Variants in CRYBG1 observed in about 807,000 individuals in gnomAD.
CRYBG1 encodes crystallin beta-gamma domain containing 1, also known as beta/gamma crystallin domain-containing protein 1.
In CRYBG1, 139 loss-of-function variants were observed where a neutral mutation model predicts 189.2. That is an observed-to-expected ratio of 0.73 (90% confidence interval 0.64 to 0.85). CRYBG1 has a LOEUF of 0.85. Among genes scored for constraint, CRYBG1 ranks in the 40% least tolerant of loss-of-function variants. CRYBG1 has a pLI of 0.00. For synonymous variants in CRYBG1, 1,023 were observed against 1,017.1 expected, an observed-to-expected ratio of 1.01 and a Z score of -0.11; for missense variants, 2,611 against 2,675.8, an observed-to-expected ratio of 0.98 and a Z score of 0.53.
At chr6:106,371,360 A>G (rs1770027550) in intron 1 of CRYBG1, among the ~76,000 whole-genome samples, 1 of 152,202 alleles carries the variant, frequency 6.6e-6, no homozygotes, top group Non-Finnish European at 1.5e-5. Flanking sequence ...ATGTCATTAC[A>G]AACCTAAGAA....
chr6:106,404,082 G>T (rs1770772632), intron 1 of CRYBG1, among the ~76,000 whole-genome samples: 1 of 152,210 alleles, frequency 6.6e-6, no homozygotes, highest in Non-Finnish European at 1.5e-5. Flanking sequence ...ATCTTTCCTA[G>T]GTTCCTTTCA....
chr6:106,511,025 A>C (rs1387284861), intron 2 of CRYBG1, among the ~76,000 whole-genome samples: 2 of 152,150 alleles, frequency 1.3e-5, no homozygotes, highest in African/African-American at 4.8e-5. Context: ...AGTCCGCCTT[A>C]GGATACTTTA....
chr6:106,429,835 G>C (rs1771293392), intron 1 of CRYBG1, among the ~76,000 whole-genome samples: 1 of 152,158 alleles, frequency 6.6e-6, no homozygotes, highest in Non-Finnish European at 1.5e-5. Context: ...TTAGCACAGT[G>C]CTGGGGCTGT....
chr6:106,409,373 G>A (rs1223558371), intron 1 of CRYBG1, among the ~76,000 whole-genome samples: 1 of 152,050 alleles, frequency 6.6e-6, no homozygotes, highest in Non-Finnish European at 1.5e-5. Flanking sequence ...AAATAAGAGA[G>A]GGCACAAACA....
At chr6:106,379,713 C>A (rs9399988) in intron 1 of CRYBG1, among the ~76,000 whole-genome samples, 10,470 of 152,178 alleles carry the variant, frequency 0.069, 536 homozygotes, top group East Asian at 0.15. Context: ...TGTGCACCAC[C>A]ATGCCTGGCT....
Position 106,519,556 on chromosome 6 carries a change from AAGATGATAAAGC to A in CRYBG1, c.2354_2365del (p.Asp785_Asp788del), listed in dbSNP as rs1323422096. 1 of 1,614,104 alleles carries A rather than the reference AAGATGATAAAGC, an allele frequency of 6.2e-7. No individual in the cohort carries two copies. The highest frequency in any genetic ancestry group is 1.3e-5 in the African/African-American group (1 of 74,940). ...CAAGCTCTTGGTCCTCAGCCTAACCAAGATGATAAAGCAGATGTACAAACAGATGCTGGCTGC... is the reference window on the plus strand; with the variant it reads ...CAAGCTCTTGGTCCTCAGCCTAACCAAGATGTACAAACAGATGCTGGCTGC... On this transcript the variant is annotated inframe_deletion, in exon 4 of 22. Transcript: ENST00000633556.
At chr6:106,547,004 T>G (rs1774278625) in intron 13 of CRYBG1, among the ~76,000 whole-genome samples, 1 of 152,236 alleles carries the variant, frequency 6.6e-6, no homozygotes, top group South Asian at 2.1e-4. Context: ...GCCAATCTCC[T>G]TTCCTTTTTA....
intron 2 of CRYBG1, among the ~76,000 whole-genome samples, chr6:106,494,662 G>A (rs910464090): frequency 6.6e-6 from 1 of 152,026 alleles, no homozygotes; most frequent in African/African-American, 2.4e-5. Context: ...AGAAACTATA[G>A]ACTAAATGTT....
At chr6:106,539,687 G>C (rs941193792) in intron 9 of CRYBG1, among the ~76,000 whole-genome samples, 158 bp downstream of exon 9, 4 of 131,396 alleles carry the variant, frequency 3.0e-5, no homozygotes, top group African/African-American at 1.2e-4. Context: ...AGAATAACTT[G>C]CTAGATGCTA....
At chr6:106,558,124 C>T (rs772992467) in intron 17 of CRYBG1, among the ~76,000 whole-genome samples, 1 of 150,816 alleles carries the variant, frequency 6.6e-6, no homozygotes, top group Admixed American at 6.6e-5. Context: ...TGACCCTTGG[C>T]AATTATGTCC....
At chr6:106,378,965 G>A (rs780351970) in intron 1 of CRYBG1, among the ~76,000 whole-genome samples, 5 of 152,018 alleles carry the variant, frequency 3.3e-5, no homozygotes, top group African/African-American at 4.8e-5. Flanking sequence ...GCCAAAAAAC[G>A]GTGAAACCCC....
At position 106,512,037 on chromosome 6, in the gene CRYBG1, G is replaced by A; in HGVS notation, c.920G>A (p.Gly307Glu). 7 of 1,530,756 alleles carry A rather than the reference G, an allele frequency of 4.6e-6. No individual in the cohort carries two copies. Among genetic ancestry groups the A allele is most frequent in the Non-Finnish European group, 6.1e-6 (7 of 1,144,112 alleles). 94.8% of individuals were successfully genotyped at this position (1,530,756 alleles called of 1,614,324 possible). A position where few individuals can be genotyped will look rare whatever the true frequency, so the allele number is the denominator to read the frequency against. ...PGSPTQERPAGGLGEAPNGAP... is the reference protein window; with the variant it reads ...PGSPTQERPAEGLGEAPNGAP... ...TCGCCCACCCAGGAGCGGCCCGCGG[G>A]AGGACTAGGCGAGGCCCCTAACGGA... The change falls in exon 3 of 22, where the codon GGA becomes GAA. Residue 307 changes from glycine (G) to glutamate (E), a missense_variant. Coordinates refer to ENST00000633556, the MANE Select transcript of CRYBG1 (RefSeq NM_001371242.2).
chr6:106,408,470 T>G (rs1368986082), intron 1 of CRYBG1, among the ~76,000 whole-genome samples: 3 of 152,206 alleles, frequency 2.0e-5, no homozygotes, highest in Admixed American at 1.3e-4. Flanking sequence ...CCATTCCTTC[T>G]GAAACTATTC....
intron 9 of CRYBG1, chr6:106,541,376 T>C (rs191065965): frequency 5.7e-5 from 39 of 678,318 alleles, no homozygotes; most frequent in Non-Finnish European, 8.3e-5. Context: ...GATCAGCTTA[T>C]AGACTGCTTG....
intron 19 of CRYBG1, 77 bp downstream of exon 19, chr6:106,561,003 A>C: frequency 7.0e-7 from 1 of 1,432,222 alleles, no homozygotes; most frequent in East Asian, 2.4e-5. Context: ...CTTTTTATCC[A>C]ATTTTTTTAT....
rs1172162202 is a variant in CRYBG1 at position 106,512,165 on chromosome 6, G to A, written c.1048G>A (p.Gly350Ser). The A allele has an allele frequency of 7.8e-6, 12 of 1,534,342 alleles. No homozygotes were observed. The highest frequency in any genetic ancestry group is 1.4e-5 in the African/African-American group (1 of 72,982). The change falls in exon 3 of 22, where the codon GGC becomes AGC. Residue 350 changes from glycine (G) to serine (S), a missense_variant. Around this residue, in one of 3 missense-constraint regions of CRYBG1, gnomAD observed 985 missense variants for 924.4 expected, o/e 1.07. Transcript: ENST00000633556. ...SDLPGEPPAE[G>S]AAHTASSAQA... The stretch of plus-strand genomic sequence containing the variant: ...TTTGCCAGGTGAGCCTCCGGCCGAG[G>A]GCGCAGCGCACACGGCCAGCTCCGC...
At chr6:106,524,318 T>G (rs1773684124) in intron 4 of CRYBG1, among the ~76,000 whole-genome samples, 1 of 152,128 alleles carries the variant, frequency 6.6e-6, no homozygotes, top group Admixed American at 6.5e-5. Context: ...ATCCCAGCAC[T>G]TTGGGAGGCT....
intron 1 of CRYBG1, among the ~76,000 whole-genome samples, chr6:106,423,957 G>A (rs1343314684): frequency 1.3e-5 from 2 of 151,724 alleles, no homozygotes; most frequent in Admixed American, 1.3e-4. Flanking sequence ...TGCGCACCTC[G>A]GCCTCCCAAA....
rs1469512795 is a variant in CRYBG1 at position 106,478,234 on chromosome 6, G to T, written c.312+26402G>T. On this transcript the variant is annotated intron_variant, in intron 2 of 21. Coordinates refer to ENST00000633556, the MANE Select transcript of CRYBG1 (RefSeq NM_001371242.2). ...AATGAGGGTGCACAAAAATTAAAAA[G>T]AAAATAATGAGTGTGTATGTATTAT... Among the ~76,000 whole-genome samples, 3 of 152,168 alleles carry T rather than the reference G, an allele frequency of 2.0e-5. No homozygotes were observed. In the East Asian group the frequency reaches 5.8e-4, roughly 29 times the overall value.
Sources: gnomAD v4.1 joint callset for allele counts (sites outside exome capture counted in the v4.1 genomes callset) on GRCh38, gnomAD v4.1.1 for gene constraint, gnomAD v4.1.1 regional missense constraint, MANE v1.5 for transcripts, NCBI Gene and HGNC (gene_info 2026-07-23, HGNC 2026-07-21) for gene names.